Variants in FAT3 observed in about 807,000 individuals in gnomAD.
The protein encoded by FAT3 is FAT atypical cadherin 3.
A neutral mutation model predicts 310.2 loss-of-function variants in FAT3; 95 were observed. The observed-to-expected ratio is 0.31, with a 90% CI of 0.26 to 0.36. FAT3 has a LOEUF of 0.36. FAT3 is among the 10% of genes least tolerant of loss of function. FAT3 has a pLI of 1.00. For missense variants in FAT3, 5,408 were observed against 5,715.6 expected (o/e 0.95, Z 1.74); for synonymous variants, 2,314 against 2,192.9 (o/e 1.06, Z -1.54).
At chr11:92,475,483 C>T (rs1412743870) in intron 2 of FAT3, among the ~76,000 whole-genome samples, 1 of 151,908 alleles carries the variant, frequency 6.6e-6, no homozygotes, top group Non-Finnish European at 1.5e-5. Flanking sequence ...AAAGAACCTA[C>T]ATATGCTGTG....
chr11:92,308,993 G>A (rs1328768912), intron 1 of FAT3, among the ~76,000 whole-genome samples: 4 of 152,124 alleles, frequency 2.6e-5, no homozygotes, highest in South Asian at 2.1e-4. Flanking sequence ...CTACGCCCCC[G>A]GGACCAAAAG....
chr11:92,894,700 T>C lies in FAT3; in HGVS notation c.*3587T>C, dbSNP rs1433709564. 1 of 152,238 alleles carries C rather than the reference T, an allele frequency of 6.6e-6. No individual in the cohort carries two copies. Among genetic ancestry groups the C allele is most frequent in the African/African-American group, 2.4e-5 (1 of 41,470 alleles). The allele number at this position is 152,238 out of a possible 1,614,324, so 9.4% of individuals were successfully genotyped here. On this transcript the variant is annotated 3_prime_UTR_variant, in exon 28 of 28. Transcript: ENST00000525166. ...CTGCTGCATTCTAGTCTATGCCAGC[T>C]TTCCATGTACCCTTGGCCTGCCTAT...
chr11:92,886,244 AC>A (rs1949793744), intron 24 of FAT3, among the ~76,000 whole-genome samples: 1 of 152,140 alleles, frequency 6.6e-6, no homozygotes, highest in Non-Finnish European at 1.5e-5. Context: ...TTTCTGGGCT[AC>A]TAATTCATTT....
intron 13 of FAT3, among the ~76,000 whole-genome samples, chr11:92,831,372 G>T (rs1310912554): frequency 6.6e-6 from 1 of 152,108 alleles, no homozygotes; most frequent in Non-Finnish European, 1.5e-5. Flanking sequence ...GGGGCGAGTT[G>T]TATATTAAGA....
At chr11:92,417,501 A>G (rs1950441371) in intron 2 of FAT3, among the ~76,000 whole-genome samples, 1 of 152,218 alleles carries the variant, frequency 6.6e-6, no homozygotes, top group African/African-American at 2.4e-5. Context: ...CCACAGAAAT[A>G]TGCTTAAGGT....
chr11:92,433,627 G>A (rs1049222874), intron 2 of FAT3, among the ~76,000 whole-genome samples: 3 of 152,100 alleles, frequency 2.0e-5, no homozygotes, highest in Admixed American at 6.6e-5. Context: ...GAAATCACCC[G>A]CTTTATGCAT....
chr11:92,416,079 A>G (rs1472026483), intron 2 of FAT3, among the ~76,000 whole-genome samples: 1 of 148,642 alleles, frequency 6.7e-6, no homozygotes, highest in African/African-American at 2.5e-5. Flanking sequence ...CCTAAAAAAA[A>G]AAAAAAAAAA....
At chr11:92,388,137 G>A (rs1454003676) in intron 2 of FAT3, among the ~76,000 whole-genome samples, 1 of 152,106 alleles carries the variant, frequency 6.6e-6, no homozygotes, top group African/African-American at 2.4e-5. Flanking sequence ...ATAAAGCAAT[G>A]ACATTTTTAT....
intron 2 of FAT3, among the ~76,000 whole-genome samples, chr11:92,432,806 C>T (rs1038112204): frequency 4.6e-5 from 7 of 152,072 alleles, no homozygotes; most frequent in African/African-American, 1.2e-4. Flanking sequence ...TAGGGAGGAA[C>T]GTTTAAGTCT....
chr11:92,625,319 G>A lies in FAT3; in HGVS notation c.3608-72065G>A, dbSNP rs965650732. ...GCTTTATTGGTTTAGTCTTCTGACA[G>A]TGCCTGGAGGAGTGGGGCTCTGAAG... On this transcript the variant is annotated intron_variant, in intron 3 of 27. Transcript: ENST00000525166. 2.6e-5 allele frequency among the ~76,000 whole-genome samples: 4 copies of A among 152,300 alleles called. No homozygotes were observed. The East Asian group carries it at 7.7e-4, about 29-fold the overall frequency.
intron 1 of FAT3, among the ~76,000 whole-genome samples, chr11:92,337,043 T>C (rs566268373): frequency 1.3e-5 from 2 of 152,306 alleles, no homozygotes; most frequent in South Asian, 2.1e-4. Context: ...GCTGGTGCTG[T>C]AAACATCCGC....
intron 3 of FAT3, among the ~76,000 whole-genome samples, chr11:92,654,041 A>G (rs1184771041): frequency 6.6e-6 from 1 of 152,200 alleles, no homozygotes; most frequent in African/African-American, 2.4e-5. Flanking sequence ...CTTTTTCTGT[A>G]GCATATTTTC....
intron 4 of FAT3, among the ~76,000 whole-genome samples, chr11:92,757,349 G>A (rs183364403): frequency 4.6e-5 from 7 of 152,172 alleles, no homozygotes; most frequent in Admixed American, 1.3e-4. Context: ...TCTAGGTGAG[G>A]ATGGTTCTCT....
At chr11:92,632,100 T>C (rs1399132681) in intron 3 of FAT3, among the ~76,000 whole-genome samples, 1 of 152,248 alleles carries the variant, frequency 6.6e-6, no homozygotes, top group Non-Finnish European at 1.5e-5. Flanking sequence ...ATTATATTTG[T>C]AGTATTTTTC....
intron 2 of FAT3, among the ~76,000 whole-genome samples, chr11:92,363,528 G>A (rs1255927345): frequency 1.3e-5 from 2 of 152,140 alleles, no homozygotes; most frequent in Non-Finnish European, 1.5e-5. Flanking sequence ...AACTTGCCTG[G>A]CAACTTCTCT....
chr11:92,337,360 A>T (rs1484726770), intron 1 of FAT3, among the ~76,000 whole-genome samples: 1 of 152,170 alleles, frequency 6.6e-6, no homozygotes, highest in Non-Finnish European at 1.5e-5. Flanking sequence ...TAATGGAAGG[A>T]TGGTATTGTT....
intron 4 of FAT3, among the ~76,000 whole-genome samples, chr11:92,748,146 TC>T (rs1351506543): frequency 6.6e-6 from 1 of 152,180 alleles, no homozygotes; most frequent in East Asian, 1.9e-4. Context: ...GACTCACAGT[TC>T]CATATGGCTG....
intron 3 of FAT3, among the ~76,000 whole-genome samples, chr11:92,556,254 A>G (rs372655437): frequency 2.0e-5 from 3 of 151,990 alleles, no homozygotes; most frequent in East Asian, 3.9e-4. Flanking sequence ...CTTCTTTTAA[A>G]TTTTTGCTAT....
At chr11:92,754,554 G>A (rs1225379621) in intron 4 of FAT3, among the ~76,000 whole-genome samples, 5 of 141,158 alleles carry the variant, frequency 3.5e-5, no homozygotes, top group African/African-American at 1.4e-4. Flanking sequence ...CGTGAACCTG[G>A]GAGGTGGAGT....
Sources: allele counts gnomAD v4.1 joint callset (sites outside exome capture counted in the v4.1 genomes callset), GRCh38; gene constraint gnomAD v4.1.1; transcripts MANE v1.5; gene names NCBI Gene and HGNC (gene_info 2026-07-23, HGNC 2026-07-21).